The following KCNK13 variants were observed in gnomAD, a reference collection of about 807,000 sequenced individuals.
KCNK13 encodes potassium two pore domain channel subfamily K member 13.
KCNK13 carries 12 observed loss-of-function variants against 23.4 expected under a neutral mutation model. The ratio of observed to expected loss-of-function variants is 0.51; its 90% confidence interval spans 0.33 to 0.83. The LOEUF (loss-of-function observed/expected upper bound fraction) is 0.83, where lower values mean the gene tolerates loss of function less well. Among genes scored for constraint, KCNK13 ranks in the 40% least tolerant of loss-of-function variants. KCNK13 has a pLI of 0.02. For missense variants in KCNK13, 463 were observed against 556.3 expected (o/e 0.83, Z 1.69); for synonymous variants, 231 against 229.5 (o/e 1.01, Z -0.06).
chr14:90,126,280 T>C (rs1889798648), intron 1 of KCNK13, among the ~76,000 whole-genome samples: 1 of 152,064 alleles, frequency 6.6e-6, no homozygotes, highest in Admixed American at 6.6e-5. Context: ...CTGTGCATAG[T>C]GACTTCCTTC....
At chr14:90,171,464 G>C (rs919728219) in intron 1 of KCNK13, among the ~76,000 whole-genome samples, 4 of 152,232 alleles carry the variant, frequency 2.6e-5, no homozygotes, top group Non-Finnish European at 5.9e-5. Flanking sequence ...GAACATGTGA[G>C]ACATGTCTAA....
At chr14:90,131,652 C>G (rs1477222018) in intron 1 of KCNK13, among the ~76,000 whole-genome samples, 4 of 152,214 alleles carry the variant, frequency 2.6e-5, no homozygotes, top group African/African-American at 9.6e-5. Context: ...CTCAGCCTCC[C>G]AAGCAGCTAG....
At chr14:90,160,348 C>T (rs943574606) in intron 1 of KCNK13, among the ~76,000 whole-genome samples, 1 of 152,106 alleles carries the variant, frequency 6.6e-6, no homozygotes, top group Non-Finnish European at 1.5e-5. Flanking sequence ...AAAGAGAGAA[C>T]CGAGTTTTCA....
chr14:90,069,797 G>A (rs1252475297), intron 1 of KCNK13, among the ~76,000 whole-genome samples: 8 of 152,130 alleles, frequency 5.3e-5, no homozygotes, highest in Admixed American at 5.2e-4. Flanking sequence ...CAAACCTTAT[G>A]GGATAGGCAG....
chr14:90,065,448 G>A (rs6575101), intron 1 of KCNK13, among the ~76,000 whole-genome samples: 64,584 of 152,006 alleles, frequency 0.42, 13,931 homozygotes, highest in South Asian at 0.52. Flanking sequence ...TAAGCAGTTT[G>A]TTGGGAGGAG....
chr14:90,181,135 A>G (rs1329581510), intron 1 of KCNK13, among the ~76,000 whole-genome samples: 2 of 152,150 alleles, frequency 1.3e-5, no homozygotes, highest in African/African-American at 2.4e-5. Flanking sequence ...GATTACAGGC[A>G]TGAGCCACCA....
At chr14:90,175,366 C>T (rs554850557) in intron 1 of KCNK13, among the ~76,000 whole-genome samples, 1 of 152,134 alleles carries the variant, frequency 6.6e-6, no homozygotes, top group African/African-American at 2.4e-5. Context: ...AAACATTATT[C>T]TTATAGCCCA....
At position 90,162,055 on chromosome 14, in the gene KCNK13, C is replaced by G. The variant is rs139623595; in HGVS notation, c.335-22056C>G. Among the ~76,000 whole-genome samples, 842 of 152,232 alleles carry G rather than the reference C, an allele frequency of 5.5e-3. 7 individuals are homozygous for G. Among genetic ancestry groups the G allele is most frequent in the African/African-American group, 0.019 (810 of 41,540 alleles). On this transcript the variant is annotated intron_variant, in intron 1 of 1. Coordinates refer to ENST00000282146, the MANE Select transcript of KCNK13 (RefSeq NM_022054.4). ...CTTACCCAGACGTGGCAGTGCGCAC[C>G]TGTGGTCCCAGGTACTTGGGAGGCC... is the stretch of plus-strand genomic sequence containing the variant.
chr14:90,184,496 T>C lies in KCNK13; in HGVS notation c.720T>C (p.Phe240=). The C allele has an allele frequency of 6.2e-7, 1 of 1,614,278 alleles. No individual in the cohort carries two copies. Among genetic ancestry groups the C allele is most frequent in the South Asian group, 1.1e-5 (1 of 91,084 alleles). ...TTGTGGCTTTCAGCACCATTGGCTT[T>C]GGGGACCTGGTCAGCAGCCAGAACG... The part of the protein sequence containing the change: ...FCFVAFSTIG[F]GDLVSSQNAH... The change falls in exon 2 of 2, where the codon TTT becomes TTC. Residue 240 remains phenylalanine, a synonymous_variant. Coordinates refer to ENST00000282146, the MANE Select transcript of KCNK13 (RefSeq NM_022054.4). The surrounding 1 kb of genome is among the most constrained non-coding windows in gnomAD (Gnocchi z 5.6).
intron 1 of KCNK13, among the ~76,000 whole-genome samples, chr14:90,124,874 T>C (rs1889778425): frequency 6.6e-6 from 1 of 152,224 alleles, no homozygotes; most frequent in African/African-American, 2.4e-5. Flanking sequence ...CTCTCTGTTG[T>C]CATGGAGCTT....
At chr14:90,180,363 C>G (rs1243680058) in intron 1 of KCNK13, among the ~76,000 whole-genome samples, 2 of 152,118 alleles carry the variant, frequency 1.3e-5, no homozygotes, top group South Asian at 2.1e-4. Flanking sequence ...ATCTTCAACT[C>G]TCAGCATTAT....
intron 1 of KCNK13, among the ~76,000 whole-genome samples, chr14:90,094,888 C>T (rs1889392799): frequency 6.6e-6 from 1 of 152,024 alleles, no homozygotes; most frequent in Non-Finnish European, 1.5e-5. Flanking sequence ...ACCTCGTGAT[C>T]CTCCCGGCTC....
intron 1 of KCNK13, among the ~76,000 whole-genome samples, chr14:90,176,713 T>A (rs1890426157): frequency 6.6e-6 from 1 of 152,058 alleles, no homozygotes; most frequent in South Asian, 2.1e-4. Flanking sequence ...AGAAACATAT[T>A]TTTCTCAGTT....
chr14:90,062,056 C>T lies in KCNK13; in HGVS notation c.-150C>T. ...GCGGCGGCCGGGGGAGCCTCGCGGC[C>T]TGCGGGAGAGCCCGGCGGTCATGGG... On this transcript the variant is annotated 5_prime_UTR_variant, in exon 1 of 2. Coordinates refer to ENST00000282146, the MANE Select transcript of KCNK13 (RefSeq NM_022054.4). This position sits in a 1 kb window ranked among gnomAD's most constrained non-coding sequence, Gnocchi z 4.5. The T allele has an allele frequency of 2.2e-6, 1 of 462,206 alleles. No homozygotes were observed. Among genetic ancestry groups the T allele is most frequent in the Non-Finnish European group, 3.5e-6 (1 of 282,186 alleles). 28.6% of individuals were successfully genotyped at this position (462,206 alleles called of 1,614,324 possible).
In KCNK13 at chr14:90,122,128, C is replaced by G. The variant is rs541353366; in HGVS notation, c.334+59589C>G. ...CATCATAGTCTATGATGGGCATGTA[C>G]TATATTTTATTTGTACCCCCTTACT... On this transcript the variant is annotated intron_variant, in intron 1 of 1. Coordinates refer to ENST00000282146, the MANE Select transcript of KCNK13 (RefSeq NM_022054.4). 5.3e-4 allele frequency among the ~76,000 whole-genome samples: 80 copies of G among 152,102 alleles called. 2 individuals are homozygous for G. Among genetic ancestry groups the G allele is most frequent in the African/African-American group, 1.9e-3 (78 of 41,490 alleles).
intron 1 of KCNK13, among the ~76,000 whole-genome samples, chr14:90,130,897 G>A (rs1297245059): frequency 2.0e-5 from 3 of 152,218 alleles, no homozygotes; most frequent in Admixed American, 1.3e-4. Context: ...TAGCAAAGTC[G>A]AGTATGGTGG....
intron 1 of KCNK13, among the ~76,000 whole-genome samples, chr14:90,141,667 A>T (rs1377808838): frequency 6.6e-6 from 1 of 151,694 alleles, no homozygotes; most frequent in Non-Finnish European, 1.5e-5. Flanking sequence ...CATGTTGGTC[A>T]GGCTGGTCTC....
At chr14:90,138,003 T>A (rs573369876) in intron 1 of KCNK13, among the ~76,000 whole-genome samples, 6 of 152,330 alleles carry the variant, frequency 3.9e-5, no homozygotes, top group African/African-American at 1.4e-4. Context: ...TATTCACCCG[T>A]TGGCATCCTC....
intron 1 of KCNK13, among the ~76,000 whole-genome samples, chr14:90,141,115 C>T (rs927169171): frequency 1.3e-5 from 2 of 152,212 alleles, no homozygotes; most frequent in African/African-American, 4.8e-5. Context: ...ACCCTGCTAG[C>T]AGCCCTTCCT....
Sources: gnomAD v4.1 joint callset for allele counts (sites outside exome capture counted in the v4.1 genomes callset) on GRCh38, gnomAD v4.1.1 for gene constraint, Gnocchi (gnomAD v3.1) non-coding constraint, MANE v1.5 for transcripts, NCBI Gene and HGNC (gene_info 2026-07-23, HGNC 2026-07-21) for gene names.